Variants in RBM27 observed in about 807,000 individuals in gnomAD.
RBM27 encodes RNA binding motif protein 27.
Under a neutral mutation model 135.3 loss-of-function variants are expected in RBM27, and 22 were observed. That is an observed-to-expected ratio of 0.16 (90% confidence interval 0.12 to 0.23). The LOEUF is 0.23. RBM27 is among the 10% of genes least tolerant of loss of function. RBM27 has a pLI of 1.00. For synonymous variants in RBM27, 481 were observed against 442.4 expected, an observed-to-expected ratio of 1.09 and a Z score of -1.10; for missense variants, 1,009 against 1,281.0, an observed-to-expected ratio of 0.79 and a Z score of 3.24.
intron 1 of RBM27, among the ~76,000 whole-genome samples, chr5:146,212,568 G>A (rs1457994565): frequency 1.3e-5 from 2 of 151,264 alleles, no homozygotes; most frequent in Admixed American, 6.6e-5. Flanking sequence ...TGCCCAGACT[G>A]GTCTTGAATT....
intron 19 of RBM27, among the ~76,000 whole-genome samples, chr5:146,273,661 TAAAAG>T (rs969636989): frequency 6.6e-6 from 1 of 152,186 alleles, no homozygotes; most frequent in East Asian, 1.9e-4. Flanking sequence ...TTAGCAAACA[TAAAAG>T]GAAACTCTTC....
At position 146,286,677 on chromosome 5, in the gene RBM27, A is replaced by G. The variant is rs1581255189; in HGVS notation, c.*647A>G. ...TGCTACAGCAATGGTAGCTAGCTCT[A>G]TAGTATTTCCATTCTCTTGTCATAT... On this transcript the variant is annotated 3_prime_UTR_variant, in exon 21 of 21. Transcript: ENST00000265271. 1 of 152,130 alleles carries G rather than the reference A, an allele frequency of 6.6e-6. No homozygotes were observed. Among genetic ancestry groups the G allele is most frequent in the African/African-American group, 2.4e-5 (1 of 41,424 alleles). The allele number at this position is 152,130 out of a possible 1,614,324, so 9.4% of individuals were successfully genotyped here.
At chr5:146,247,723 A>G (rs969477771) in intron 8 of RBM27, among the ~76,000 whole-genome samples, 1 of 152,170 alleles carries the variant, frequency 6.6e-6, no homozygotes, top group African/African-American at 2.4e-5. Context: ...TTTTGGCAAG[A>G]ACATTTTATA....
At chr5:146,233,404 C>T in intron 6 of RBM27, 46 bp from the exon 7 acceptor site, 1 of 1,491,150 alleles carries the variant, frequency 6.7e-7, no homozygotes, top group Non-Finnish European at 8.9e-7. Context: ...TTTCTGAACT[C>T]TAAGTAGATG....
intron 8 of RBM27, among the ~76,000 whole-genome samples, chr5:146,247,745 G>A (rs984996909): frequency 2.0e-5 from 3 of 152,072 alleles, no homozygotes; most frequent in African/African-American, 7.2e-5. Flanking sequence ...ATGGCGTTAT[G>A]TACTTCCTAC....
At chr5:146,213,522 A>G (rs1376754315) in intron 1 of RBM27, among the ~76,000 whole-genome samples, 4 of 152,190 alleles carry the variant, frequency 2.6e-5, no homozygotes, top group African/African-American at 9.7e-5. Flanking sequence ...GCACATTAAG[A>G]TGGAACTTAA....
chr5:146,262,802 A>G (rs555160002), intron 13 of RBM27, among the ~76,000 whole-genome samples: 18 of 151,970 alleles, frequency 1.2e-4, no homozygotes, highest in Admixed American at 8.5e-4. Context: ...CCAAGATTGC[A>G]TTATGTTTTT....
chr5:146,267,981 T>C (rs1264001243), intron 15 of RBM27, among the ~76,000 whole-genome samples: 1 of 152,188 alleles, frequency 6.6e-6, no homozygotes, highest in Non-Finnish European at 1.5e-5. Context: ...TGATACACTA[T>C]TATTCCCTCC....
In RBM27 at chr5:146,273,869, TATC is replaced by T. The variant is rs569358933; in HGVS notation, c.2988+2198_2988+2200del. On this transcript the variant is annotated intron_variant, in intron 19 of 20. Transcript: ENST00000265271. ...TTTGCTCTTCAATAGTCTAAGAACTTATCATAAGTGGATTATGGTCGTATGCAA... is the reference window on the plus strand; with the variant it reads ...TTTGCTCTTCAATAGTCTAAGAACTTATAAGTGGATTATGGTCGTATGCAA... 3.0e-3 allele frequency among the ~76,000 whole-genome samples: 455 copies of T among 152,368 alleles called. 1 individual carries two copies. The highest frequency in any genetic ancestry group is 4.8e-3 in the Non-Finnish European group (325 of 68,030).
At chr5:146,270,738 G>A (rs896862830) in intron 17 of RBM27, among the ~76,000 whole-genome samples, 2 of 152,022 alleles carry the variant, frequency 1.3e-5, no homozygotes, top group African/African-American at 4.8e-5. Context: ...TTTTTAAGCC[G>A]TCTAATGCTT....
At chr5:146,214,825 T>C (rs1756121583) in intron 1 of RBM27, among the ~76,000 whole-genome samples, 1 of 152,198 alleles carries the variant, frequency 6.6e-6, no homozygotes, top group Non-Finnish European at 1.5e-5. Flanking sequence ...GGTGCAGATT[T>C]CTGTCAGTTA....
Position 146,237,423 on chromosome 5 carries a change from G to A in RBM27, c.1270G>A (p.Val424Ile). The A allele has an allele frequency of 1.2e-6, 2 of 1,613,914 alleles. No homozygotes were observed. The highest frequency in any genetic ancestry group is 1.7e-6 in the Non-Finnish European group (2 of 1,179,834). ...TTTACCCCAGAACCTCCTTTACACA[G>A]TATCAGAACGTAAGTACATGTTGTT... The part of the protein sequence containing the change: ...PPLPQNLLYT[V>I]SERQPMYSRE... The change falls in exon 8 of 21, where the codon GTA (valine) becomes ATA (isoleucine). Residue 424 changes from valine (V) to isoleucine (I), a missense_variant. By Grantham distance (29) the Val-to-Ile change is conservative (BLOSUM62 3). Around this residue, in one of 6 missense-constraint regions of RBM27, gnomAD observed 329 missense variants for 368.1 expected, o/e 0.89. Coordinates refer to ENST00000265271, the MANE Select transcript of RBM27 (RefSeq NM_018989.2).
At chr5:146,234,819 A>G (rs1291452522) in intron 7 of RBM27, among the ~76,000 whole-genome samples, 2 of 151,968 alleles carry the variant, frequency 1.3e-5, no homozygotes, top group Non-Finnish European at 2.9e-5. Flanking sequence ...GGATCACTTG[A>G]ACTCTGGAGT....
chr5:146,281,936 CATTA>C (rs1034482588), intron 19 of RBM27, among the ~76,000 whole-genome samples: 3 of 149,664 alleles, frequency 2.0e-5, no homozygotes, highest in Non-Finnish European at 4.5e-5. Flanking sequence ...TTACATGTAA[CATTA>C]ATTTGCCATT....
At chr5:146,207,243 G>T (rs1755720460) in intron 1 of RBM27, among the ~76,000 whole-genome samples, 1 of 151,894 alleles carries the variant, frequency 6.6e-6, no homozygotes, top group Non-Finnish European at 1.5e-5. Context: ...CTTTTTTTGA[G>T]GTGGAATCTC....
intron 11 of RBM27, 52 bp downstream of exon 11, chr5:146,258,645 G>A: frequency 7.3e-7 from 1 of 1,372,050 alleles, no homozygotes; most frequent in Non-Finnish European, 9.6e-7. Flanking sequence ...CGTTTGCATT[G>A]GTAAATTCAT....
At chr5:146,250,040 C>T (rs72806122) in intron 8 of RBM27, among the ~76,000 whole-genome samples, 32,766 of 152,182 alleles carry the variant, frequency 0.22, 4,327 homozygotes, top group Admixed American at 0.33. Context: ...TTTAGCATCT[C>T]CATATTCCCT....
chr5:146,256,902 T>C (rs1041123848), intron 10 of RBM27, among the ~76,000 whole-genome samples: 1 of 151,752 alleles, frequency 6.6e-6, no homozygotes, highest in Non-Finnish European at 1.5e-5. Context: ...AAAAATTAAT[T>C]AAAAAAAAGC....
At chr5:146,242,670 T>A (rs531746037) in intron 8 of RBM27, among the ~76,000 whole-genome samples, 1 of 152,314 alleles carries the variant, frequency 6.6e-6, no homozygotes, top group Non-Finnish European at 1.5e-5. Context: ...CTCAGCTCAC[T>A]GCAACCTCCG....
Sources: gnomAD v4.1 joint callset for allele counts (sites outside exome capture counted in the v4.1 genomes callset) on GRCh38, gnomAD v4.1.1 for gene constraint, gnomAD v4.1.1 regional missense constraint, MANE v1.5 for transcripts, NCBI Gene and HGNC (gene_info 2026-07-23, HGNC 2026-07-21) for gene names.